The following ABCA13 variants were observed in gnomAD, a reference collection of about 807,000 sequenced individuals.
ABCA13 encodes ATP-binding cassette sub-family A member 13.
Under a neutral mutation model 478.7 loss-of-function variants are expected in ABCA13, and 476 were observed. The observed-to-expected ratio is 0.99, with a 90% CI of 0.92 to 1.07. The LOEUF (loss-of-function observed/expected upper bound fraction) is 1.07, where lower values mean the gene tolerates loss of function less well. Ranked by LOEUF, ABCA13 falls within the 50% of genes least tolerant of loss-of-function variation. The pLI is 0.00. For missense variants in ABCA13, 6,060 were observed against 5,910.6 expected, an observed-to-expected ratio of 1.03 and a Z score of -0.83; for synonymous variants, 2,252 against 2,158.9, an observed-to-expected ratio of 1.04 and a Z score of -1.20.
intron 39 of ABCA13, among the ~76,000 whole-genome samples, chr7:48,410,114 A>G (rs1018898383): frequency 6.9e-6 from 1 of 144,742 alleles, no homozygotes; most frequent in Non-Finnish European, 1.5e-5. Context: ...AAAAAAAAGG[A>G]TGAGGAAGAG....
chr7:48,280,573 C>T (rs1796901923), intron 18 of ABCA13, among the ~76,000 whole-genome samples: 2 of 152,154 alleles, frequency 1.3e-5, no homozygotes, highest in South Asian at 2.1e-4. Context: ...CCCTACCTGT[C>T]CTTTCTGTGG....
At chr7:48,547,533 C>T (rs1237506720) in intron 55 of ABCA13, among the ~76,000 whole-genome samples, 1 of 151,876 alleles carries the variant, frequency 6.6e-6, no homozygotes, top group African/African-American at 2.4e-5. Context: ...TGCTTGCTGC[C>T]TCAGGCTTCC....
intron 58 of ABCA13, among the ~76,000 whole-genome samples, chr7:48,602,723 A>G (rs1791037725): frequency 6.6e-6 from 1 of 151,372 alleles, no homozygotes; most frequent in Non-Finnish European, 1.5e-5. Context: ...TTTTGGTTCC[A>G]TATGAAATTT....
intron 55 of ABCA13, among the ~76,000 whole-genome samples, chr7:48,550,265 C>CTTTTTTTTTTT (rs57540403): frequency 0.092 from 13,441 of 146,100 alleles, 787 homozygotes; most frequent in East Asian, 0.15. Context: ...CTCTATTTTT[C>CTTTTTTTTTTT]TTTTTTTTGG....
intron 58 of ABCA13, among the ~76,000 whole-genome samples, chr7:48,597,881 C>T (rs1790459792): frequency 1.3e-5 from 2 of 152,106 alleles, no homozygotes; most frequent in African/African-American, 4.8e-5. Flanking sequence ...CATGCATATC[C>T]TTCCCTATTA....
At chr7:48,484,025 A>T (rs1829045495) in intron 47 of ABCA13, among the ~76,000 whole-genome samples, 1 of 152,170 alleles carries the variant, frequency 6.6e-6, no homozygotes, top group South Asian at 2.1e-4. Context: ...TGAGAACAAG[A>T]ACAATCTCCA....
Position 48,278,111 on chromosome 7 carries a change from A to C in ABCA13, c.6917A>C (p.Lys2306Thr), listed in dbSNP as rs78334925. ...IAEMSFVPKD[K>T]ILEILKLDQF... ...ATTTACAGTTTTGTCCCAAAAGATAAAATTCTAGAAATTCTGAAACTGGAT... is the reference window on the plus strand; with the variant it reads ...ATTTACAGTTTTGTCCCAAAAGATACAATTCTAGAAATTCTGAAACTGGAT... Residue 2306 changes from lysine (K) to threonine (T), a missense_variant, in exon 18 of 62, where the codon AAA becomes ACA. Physicochemically the swap from Lys to Thr is moderately conservative, Grantham distance 78. Around this residue, in one of 3 missense-constraint regions of ABCA13, gnomAD observed 4,423 missense variants for 4,309.1 expected, o/e 1.03. Transcript: ENST00000435803. 0.065 allele frequency: 85,081 copies of C among 1,318,012 alleles called. 3,538 individuals carry two copies. Among genetic ancestry groups the C allele is most frequent in the East Asian group, 0.21 (8,077 of 39,104 alleles). The allele number at this position is 1,318,012 out of a possible 1,614,324, so 81.6% of individuals were successfully genotyped here. A position where few individuals can be genotyped will look rare whatever the true frequency, so the allele number is the denominator to read the frequency against.
chr7:48,174,819 G>A (rs2128851277), intron 1 of ABCA13, among the ~76,000 whole-genome samples: 1 of 152,184 alleles, frequency 6.6e-6, no homozygotes, highest in South Asian at 2.1e-4. Context: ...AAAAGTTACT[G>A]TATGGTCTTC....
At chr7:48,569,936 A>T (rs926833135) in intron 55 of ABCA13, among the ~76,000 whole-genome samples, 1 of 152,104 alleles carries the variant, frequency 6.6e-6, no homozygotes, top group African/African-American at 2.4e-5. Flanking sequence ...CTCTTTTTGG[A>T]TGGAGAGTTC....
At chr7:48,361,572 A>G (rs912932008) in intron 31 of ABCA13, among the ~76,000 whole-genome samples, 1 of 151,450 alleles carries the variant, frequency 6.6e-6, no homozygotes, top group Non-Finnish European at 1.5e-5. Context: ...TCTTCAATAT[A>G]TTCTTTTATA....
chr7:48,228,395 T>G (rs1373803416), intron 6 of ABCA13, among the ~76,000 whole-genome samples: 1 of 152,176 alleles, frequency 6.6e-6, no homozygotes, highest in Admixed American at 6.5e-5. Context: ...TTCTGGCCCC[T>G]CCTTCTGAGG....
At chr7:48,528,392 C>T in intron 55 of ABCA13, 47 bp downstream of exon 55, 1 of 1,276,530 alleles carries the variant, frequency 7.8e-7, no homozygotes, top group Non-Finnish European at 1.0e-6. Flanking sequence ...AGATAATAAG[C>T]CCAGAGAACC....
In ABCA13 at chr7:48,613,809, G is replaced by A. The variant is rs930281190; in HGVS notation, c.14745-1476G>A. ...AAATTTTCTCATGGGAGTGATAAAT[G>A]TAAAATTTTGATTAGATTTACTATA... On this transcript the variant is annotated intron_variant, in intron 58 of 61. Transcript: ENST00000435803. 7.4e-5 allele frequency among the ~76,000 whole-genome samples: 11 copies of A among 148,408 alleles called. 1 individual carries two copies. The highest frequency in any genetic ancestry group is 4.0e-3 in the Middle Eastern group (1 of 252).
intron 42 of ABCA13, among the ~76,000 whole-genome samples, chr7:48,447,230 C>A (rs1824417225): frequency 6.6e-6 from 1 of 152,148 alleles, no homozygotes; most frequent in African/African-American, 2.4e-5. Flanking sequence ...AACATATCTA[C>A]CTCCAGGAAG....
intron 41 of ABCA13, among the ~76,000 whole-genome samples, chr7:48,412,880 C>T (rs917507881): frequency 7.9e-5 from 12 of 151,242 alleles, no homozygotes; most frequent in Non-Finnish European, 1.2e-4. Context: ...GGCGCTATCT[C>T]GGCTCACTGC....
Position 48,271,959 on chromosome 7 carries a change from G to C in ABCA13, c.2293G>C (p.Glu765Gln). The C allele has an allele frequency of 6.2e-7, 1 of 1,613,518 alleles. No homozygotes were observed. The highest frequency in any genetic ancestry group is 8.5e-7 in the Non-Finnish European group (1 of 1,179,696). Reference protein sequence around the residue: ...PSFHSLPSLTEDILNISSLWT... With the variant: ...PSFHSLPSLTQDILNISSLWT... ...TTTCCACAGCCTCCCATCTCTCACA[G>C]AGGATATTCTGAATATAAGTTCTCT... The change falls in exon 17 of 62, where the codon GAG becomes CAG. Residue 765 changes from glutamate (E) to glutamine (Q), a missense_variant. Coordinates refer to ENST00000435803, the MANE Select transcript of ABCA13 (RefSeq NM_152701.5).
intron 20 of ABCA13, 143 bp downstream of exon 20, chr7:48,288,221 C>A: frequency 3.9e-6 from 3 of 760,070 alleles, no homozygotes. Flanking sequence ...GCTGGGCTTG[C>A]AGAATGACTG....
intron 43 of ABCA13, among the ~76,000 whole-genome samples, chr7:48,458,595 T>A (rs1469716960): frequency 1.3e-5 from 2 of 152,124 alleles, no homozygotes; most frequent in African/African-American, 4.8e-5. Context: ...AATTTTAGAG[T>A]TGAGAAAATG....
At chr7:48,514,034 G>A (rs1831919535) in intron 51 of ABCA13, among the ~76,000 whole-genome samples, 1 of 152,148 alleles carries the variant, frequency 6.6e-6, no homozygotes. Context: ...GAAACCTTAT[G>A]TAATAAGTAA....
Sources: gnomAD v4.1 joint callset for allele counts (sites outside exome capture counted in the v4.1 genomes callset) on GRCh38, gnomAD v4.1.1 for gene constraint, gnomAD v4.1.1 regional missense constraint, MANE v1.5 for transcripts, NCBI Gene and HGNC (gene_info 2026-07-23, HGNC 2026-07-21) for gene names.